Variants in NF1 observed in about 807,000 individuals in gnomAD.
NF1 encodes neurofibromin 1, also known as neurofibromin.
A neutral mutation model predicts 325.7 loss-of-function variants in NF1; 122 were observed. That is an observed-to-expected ratio of 0.37 (90% CI 0.32 to 0.44). The LOEUF (loss-of-function observed/expected upper bound fraction) is 0.44. Ranked by LOEUF, NF1 falls within the 20% of genes least tolerant of loss-of-function variation. The pLI, the probability that NF1 is intolerant of heterozygous loss-of-function variation, is 1.00. For missense variants in NF1, 2,140 were observed against 3,415.4 expected, an observed-to-expected ratio of 0.63 and a Z score of 9.31; for synonymous variants, 1,091 against 1,186.0, an observed-to-expected ratio of 0.92 and a Z score of 1.65.
At chr17:31,317,459 C>T (rs1021054046) in intron 36 of NF1, 6 of 151,428 alleles carry the variant, frequency 4.0e-5, no homozygotes, top group Non-Finnish European at 8.8e-5. Flanking sequence ...ATTAATCAAC[C>T]TTTGGTACTT....
intron 36 of NF1, chr17:31,307,934 T>C (rs1358461676): frequency 1.6e-6 from 2 of 1,288,766 alleles, no homozygotes; most frequent in Non-Finnish European, 2.0e-6. Context: ...CCTCTACCAC[T>C]TGGTACACAG....
intron 36 of NF1, chr17:31,304,568 C>T: frequency 1.9e-6 from 3 of 1,614,134 alleles, no homozygotes; most frequent in Non-Finnish European, 2.5e-6. Flanking sequence ...TCCTGTCCTT[C>T]CAAATCCAGA....
In NF1 at chr17:31,336,210, A is replaced by G; in HGVS notation, c.6007-123A>G. ...GACAGGCCTGTAAATAAAATCTAGT[A>G]TTTTTGAGGCCTCAGGTAAAATAGA... On this transcript the variant is annotated intron_variant, in intron 40 of 57. Transcript: ENST00000358273. This position sits in a 1 kb window ranked among gnomAD's most constrained non-coding sequence, Gnocchi z 5.5. 1 of 970,946 alleles carries G rather than the reference A, an allele frequency of 1.0e-6. No homozygotes were observed. Among genetic ancestry groups the G allele is most frequent in the East Asian group, 2.7e-5 (1 of 37,698 alleles). The allele number at this position is 970,946 out of a possible 1,614,324, so 60.1% of individuals were successfully genotyped here. A position where few individuals can be genotyped will look rare whatever the true frequency, so the allele number is the denominator to read the frequency against.
In NF1 at chr17:31,298,614, A is replaced by G. The variant is rs370085762; in HGVS notation, c.4836-27206A>G. On this transcript the variant is annotated intron_variant, in intron 36 of 57. Coordinates refer to ENST00000358273, the MANE Select transcript of NF1 (RefSeq NM_001042492.3). ...TATCTGCATTTTAAGAGTCCGCAACATAGAAGTTTATTGTTGATTGGGTGC... is the reference window on the plus strand; with the variant it reads ...TATCTGCATTTTAAGAGTCCGCAACGTAGAAGTTTATTGTTGATTGGGTGC... Among the ~76,000 whole-genome samples the G allele has an allele frequency of 8.1e-4, 124 of 152,264 alleles. No homozygotes were observed. The South Asian group carries it at 0.021, about 26-fold the overall frequency.
chr17:31,241,361 C>T (rs1310747160), intron 29 of NF1, among the ~76,000 whole-genome samples: 1 of 152,242 alleles, frequency 6.6e-6, no homozygotes, highest in African/African-American at 2.4e-5. Flanking sequence ...TTATTATTGA[C>T]GAGGACTTAC....
At chr17:31,247,569 G>A (rs2067416845) in intron 29 of NF1, among the ~76,000 whole-genome samples, 1 of 152,070 alleles carries the variant, frequency 6.6e-6, no homozygotes, top group Non-Finnish European at 1.5e-5. Flanking sequence ...TAGATTGGAG[G>A]GGAATAAGAA....
In NF1 at chr17:31,223,420, A is replaced by G. The variant is rs1567845793; in HGVS notation, c.1722-24A>G. On this transcript the variant is annotated intron_variant, in intron 15 of 57. Coordinates refer to ENST00000358273, the MANE Select transcript of NF1 (RefSeq NM_001042492.3). ...CATTAGGTTATTGATGATGCTAGTA[A>G]CAATGAACTTTATGTTACTGCAGCT... 1 of 1,609,510 alleles carries G rather than the reference A, an allele frequency of 6.2e-7. No individual in the cohort carries two copies. Among genetic ancestry groups the G allele is most frequent in the Non-Finnish European group, 8.5e-7 (1 of 1,177,884 alleles).
At chr17:31,190,217 A>G (rs2066319030) in intron 8 of NF1, among the ~76,000 whole-genome samples, 1 of 151,342 alleles carries the variant, frequency 6.6e-6, no homozygotes, top group Non-Finnish European at 1.5e-5. Context: ...AGATCATGCC[A>G]CTGCACTCCA....
chr17:31,175,827 C>G (rs1383675907), intron 5 of NF1, among the ~76,000 whole-genome samples: 1 of 152,178 alleles, frequency 6.6e-6, no homozygotes, highest in African/African-American at 2.4e-5. Flanking sequence ...CCAGCTTCAT[C>G]CATGTCCCTG....
chr17:31,284,965 C>T (rs1459653388), intron 36 of NF1, among the ~76,000 whole-genome samples: 3 of 151,952 alleles, frequency 2.0e-5, no homozygotes, highest in South Asian at 4.1e-4. Context: ...TCTAAAAATA[C>T]AAAAATTAGC....
chr17:31,334,684 T>C lies in NF1; in HGVS notation c.5813-154T>C, dbSNP rs752895126. 1.5e-5 allele frequency: 10 copies of C among 652,350 alleles called. No individual in the cohort carries two copies. Among genetic ancestry groups the C allele is most frequent in the Non-Finnish European group, 2.4e-5 (9 of 377,556 alleles). 40.4% of individuals were successfully genotyped at this position (652,350 alleles called of 1,614,324 possible). ...TCAAGGACTGTTCTTTCTTCGCCTC[T>C]ACAAAAATATATTTGCCAAGTGTCT... On this transcript the variant is annotated intron_variant, in intron 39 of 57. Coordinates refer to ENST00000358273, the MANE Select transcript of NF1 (RefSeq NM_001042492.3).
In NF1 at chr17:31,374,666, G is replaced by T. The variant is rs933127698; in HGVS notation, c.*511G>T. The T allele has an allele frequency of 4.1e-6, 1 of 242,446 alleles. No homozygotes were observed. 15.0% of individuals were successfully genotyped at this position (242,446 alleles called of 1,614,324 possible). A position where few individuals can be genotyped will look rare whatever the true frequency, so the allele number is the denominator to read the frequency against. ...TTAGCTGTGGACTTTTTTTTTAACCGTACAAAACTGAAAGAACCATAGAGG... is the reference window on the plus strand; with the variant it reads ...TTAGCTGTGGACTTTTTTTTTAACCTTACAAAACTGAAAGAACCATAGAGG... On this transcript the variant is annotated 3_prime_UTR_variant, in exon 58 of 58. Coordinates refer to ENST00000358273, the MANE Select transcript of NF1 (RefSeq NM_001042492.3).
At chr17:31,325,433 T>G (rs1202083961) in intron 36 of NF1, among the ~76,000 whole-genome samples, 1 of 152,218 alleles carries the variant, frequency 6.6e-6, no homozygotes, top group African/African-American at 2.4e-5. Context: ...CAGTCTGTGA[T>G]CAAGGTGGGA....
intron 11 of NF1, among the ~76,000 whole-genome samples, chr17:31,204,055 A>G (rs985622738): frequency 3.3e-5 from 5 of 152,042 alleles, no homozygotes; most frequent in African/African-American, 1.2e-4. Flanking sequence ...GCCATAAGAG[A>G]TGAATTAATA....
At chr17:31,129,355 T>C (rs1017520336) in intron 1 of NF1, among the ~76,000 whole-genome samples, 9 of 152,278 alleles carry the variant, frequency 5.9e-5, no homozygotes, top group Admixed American at 1.3e-4. Flanking sequence ...GTCTTTATTC[T>C]TGTCTGTCTT....
In NF1 at chr17:31,360,724, T is replaced by C. The variant is rs2151588385; in HGVS notation, c.8377+21T>C. On this transcript the variant is annotated intron_variant, in intron 57 of 57. Coordinates refer to ENST00000358273, the MANE Select transcript of NF1 (RefSeq NM_001042492.3). ...CCCAGGTCAGTAAATGTGATCTTTA[T>C]ATGACTTTGAGCAACAATATAAGAC... The C allele has an allele frequency of 1.9e-6, 3 of 1,586,098 alleles. No homozygotes were observed. In the South Asian group the frequency reaches 3.3e-5, roughly 18 times the overall value.
rs1193012915 is a variant in NF1 at position 31,252,120 on chromosome 17, C to CTTTTTT, written c.4111-804_4111-799dup. The CTTTTTT allele has an allele frequency of 6.7e-4, 95 of 142,282 alleles. 1 individual carries two copies. The highest frequency in any genetic ancestry group is 2.7e-3 in the African/African-American group (90 of 33,738). The allele number at this position is 142,282 out of a possible 1,614,324, so 8.8% of individuals were successfully genotyped here. On this transcript the variant is annotated intron_variant, in intron 30 of 57. Transcript: ENST00000358273. ...GGAGTTTTGGGGGTTTTTTAGGTGGCTTTTTTTTTTTTTTTTTTTAAGATA... is the reference window on the plus strand; with the variant it reads ...GGAGTTTTGGGGGTTTTTTAGGTGGCTTTTTTTTTTTTTTTTTTTTTTTTTAAGATA...
intron 50 of NF1, 95 bp downstream of exon 50, chr17:31,350,413 C>A: frequency 9.3e-7 from 1 of 1,080,496 alleles, no homozygotes; most frequent in Non-Finnish European, 1.4e-6. Flanking sequence ...TAGAAGGTAA[C>A]ATGGGAGAAA....
intron 1 of NF1, among the ~76,000 whole-genome samples, chr17:31,100,449 G>A (rs1912218580): frequency 1.3e-5 from 2 of 152,176 alleles, no homozygotes; most frequent in African/African-American, 4.8e-5. Context: ...ATTCTTTATG[G>A]TGAGTGAGAA....
Sources: gnomAD v4.1 joint callset for allele counts (sites outside exome capture counted in the v4.1 genomes callset) on GRCh38, gnomAD v4.1.1 for gene constraint, Gnocchi (gnomAD v3.1) non-coding constraint, MANE v1.5 for transcripts, NCBI Gene and HGNC (gene_info 2026-07-23, HGNC 2026-07-21) for gene names.